The following LRRC7 variants were observed in gnomAD, a reference collection of about 807,000 sequenced individuals.
The protein encoded by LRRC7 is leucine rich repeat containing 7, also known as leucine-rich repeat-containing protein 7.
In LRRC7, 23 loss-of-function variants were observed where a neutral mutation model predicts 175.7. The observed-to-expected ratio is 0.13, with a 90% CI of 0.09 to 0.19. LRRC7 has a LOEUF of 0.19. Ranked by LOEUF, LRRC7 falls within the 10% of genes least tolerant of loss-of-function variation. The probability of loss-of-function intolerance (pLI) is 1.00; values close to 1 mark genes in which losing one functional copy is unlikely to be tolerated. For missense variants in LRRC7, 1,354 were observed against 1,904.7 expected, an observed-to-expected ratio of 0.71 and a Z score of 5.38; for synonymous variants, 685 against 680.9, an observed-to-expected ratio of 1.01 and a Z score of -0.09.
At chr1:69,912,584 A>G (rs1182445727) in intron 7 of LRRC7, among the ~76,000 whole-genome samples, 1 of 152,146 alleles carries the variant, frequency 6.6e-6, no homozygotes, top group Non-Finnish European at 1.5e-5. Context: ...GTTCTTGCTT[A>G]TAGGGCACCT....
intron 1 of LRRC7, among the ~76,000 whole-genome samples, chr1:69,658,926 G>A (rs1470317098): frequency 1.3e-5 from 2 of 151,968 alleles, no homozygotes; most frequent in African/African-American, 4.8e-5. Flanking sequence ...ACTGAGGTTA[G>A]CAACAGCAAA....
chr1:69,886,069 G>T (rs201319780), intron 7 of LRRC7, among the ~76,000 whole-genome samples: 60,926 of 147,778 alleles, frequency 0.41, 13,374 homozygotes, highest in East Asian at 0.54. Context: ...GGTGTGGTGT[G>T]GTGCTGAAAA....
At chr1:69,872,531 C>T (rs1304556092) in intron 7 of LRRC7, among the ~76,000 whole-genome samples, 2 of 151,896 alleles carry the variant, frequency 1.3e-5, no homozygotes, top group Non-Finnish European at 2.9e-5. Flanking sequence ...TCCAAATACC[C>T]ATACTTTATT....
intron 8 of LRRC7, among the ~76,000 whole-genome samples, chr1:69,932,183 T>C (rs1385685402): frequency 6.6e-6 from 1 of 152,216 alleles, no homozygotes; most frequent in Non-Finnish European, 1.5e-5. Context: ...TATACTTCTT[T>C]ACAAGACGGC....
chr1:69,651,407 T>A (rs1655808157), intron 1 of LRRC7, among the ~76,000 whole-genome samples: 1 of 152,168 alleles, frequency 6.6e-6, no homozygotes, highest in African/African-American at 2.4e-5. Flanking sequence ...CAATTATATC[T>A]GCCAATTCAA....
At chr1:70,107,978 C>T (rs1665258442) in intron 26 of LRRC7, 152 bp downstream of exon 26, 2 of 674,822 alleles carry the variant, frequency 3.0e-6, no homozygotes, top group Non-Finnish European at 5.1e-6. Context: ...AAAGTCAAGT[C>T]AAAAACAATT....
intron 2 of LRRC7, among the ~76,000 whole-genome samples, chr1:69,756,796 C>A (rs183425920): frequency 1.3e-5 from 2 of 151,742 alleles, no homozygotes; most frequent in African/African-American, 4.8e-5. Flanking sequence ...GGAAATATAA[C>A]ACAGGAAAGA....
intron 11 of LRRC7, among the ~76,000 whole-genome samples, chr1:70,005,978 C>T (rs1354117395): frequency 6.6e-6 from 1 of 151,872 alleles, no homozygotes. Flanking sequence ...ATAAAGGTAA[C>T]CTTTGGTCTT....
intron 2 of LRRC7, among the ~76,000 whole-genome samples, chr1:69,678,812 G>T (rs893423975): frequency 6.6e-6 from 1 of 152,098 alleles, no homozygotes; most frequent in Non-Finnish European, 1.5e-5. Context: ...CTGAAGTAAA[G>T]AAACTTTTGA....
At chr1:70,094,038 GGAA>G (rs1388784765) in intron 25 of LRRC7, among the ~76,000 whole-genome samples, 6 of 152,100 alleles carry the variant, frequency 3.9e-5, no homozygotes, top group Non-Finnish European at 8.8e-5. Context: ...TCCATCTGAG[GGAA>G]GAAGAACTAA....
intron 8 of LRRC7, among the ~76,000 whole-genome samples, chr1:69,967,531 A>C (rs757512647): frequency 6.6e-6 from 1 of 152,142 alleles, no homozygotes. Flanking sequence ...ACCAAAGCTA[A>C]GGAACCTCAC....
At chr1:70,014,737 T>G (rs900244885) in intron 13 of LRRC7, among the ~76,000 whole-genome samples, 1 of 152,070 alleles carries the variant, frequency 6.6e-6, no homozygotes, top group East Asian at 1.9e-4. Flanking sequence ...AGTTTGACAT[T>G]ATAGTTAGGA....
rs565860953 is a variant in LRRC7, at chr1:69,761,773, G to A, written c.303+1380G>A. Among the ~76,000 whole-genome samples the A allele has an allele frequency of 2.6e-5, 4 of 152,138 alleles. No individual in the cohort carries two copies. In the South Asian group the frequency reaches 6.2e-4, roughly 24 times the overall value. On this transcript the variant is annotated intron_variant, in intron 3 of 26. Coordinates refer to ENST00000651989, the MANE Select transcript of LRRC7 (RefSeq NM_001370785.2). ...TTCATCTCTGTTTCCTGGTACATGG[G>A]CAGGCATGATGAATTTCACATAATA... is the stretch of plus-strand genomic sequence containing the variant.
Position 70,038,637 on chromosome 1 carries a change from A to G in LRRC7, c.2813A>G (p.Asn938Ser), listed in dbSNP as rs770157708. ...GTACCATGGGAGTATCATGATTCCA[A>G]TCCCAACAGGAGTCTTAGTAATGTC... Reference protein sequence around the residue: ...PGVPWEYHDSNPNRSLSNVFS... With the variant: ...PGVPWEYHDSSPNRSLSNVFS... The change falls in exon 21 of 27, where the codon AAT (asparagine) becomes AGT (serine). Residue 938 changes from asparagine to serine, a missense_variant. Coordinates refer to ENST00000651989, the MANE Select transcript of LRRC7 (RefSeq NM_001370785.2). 5.6e-6 allele frequency: 9 copies of G among 1,613,996 alleles called. No homozygotes were observed. The African/African-American group carries it at 9.3e-5, about 17-fold the overall frequency.
chr1:69,915,750 T>C (rs956299390), intron 7 of LRRC7, among the ~76,000 whole-genome samples: 6 of 151,978 alleles, frequency 3.9e-5, no homozygotes, highest in Non-Finnish European at 7.4e-5. Context: ...CTAAAGCTTT[T>C]TCAAACTCTG....
intron 8 of LRRC7, among the ~76,000 whole-genome samples, chr1:69,951,641 A>AC (rs1402203060): frequency 5.9e-5 from 9 of 152,162 alleles, no homozygotes; most frequent in African/African-American, 2.2e-4. Flanking sequence ...TTTCACAGGA[A>AC]CATGGATAGA....
intron 4 of LRRC7, among the ~76,000 whole-genome samples, chr1:69,813,996 T>C (rs1317468611): frequency 6.6e-6 from 1 of 152,160 alleles, no homozygotes; most frequent in African/African-American, 2.4e-5. Context: ...TGCATATGTA[T>C]ATATACAACA....
intron 26 of LRRC7, among the ~76,000 whole-genome samples, chr1:70,111,640 A>G (rs1665534694): frequency 6.6e-6 from 1 of 152,212 alleles, no homozygotes; most frequent in East Asian, 1.9e-4. Context: ...TTCAAAATAT[A>G]TATGAATACA....
At chr1:69,738,815 C>A (rs769226199) in intron 2 of LRRC7, among the ~76,000 whole-genome samples, 1 of 151,390 alleles carries the variant, frequency 6.6e-6, no homozygotes, top group South Asian at 2.1e-4. Context: ...TCTTGGCAGA[C>A]GGAGTAGAAA....
Sources: allele counts gnomAD v4.1 joint callset (sites outside exome capture counted in the v4.1 genomes callset), GRCh38; gene constraint gnomAD v4.1.1; transcripts MANE v1.5; gene names NCBI Gene and HGNC (gene_info 2026-07-23, HGNC 2026-07-21).